REPS2: variants seen among roughly 807,000 people sequenced by gnomAD.
REPS2 encodes ralBP1-associated Eps domain-containing protein 2.
In REPS2, 23 loss-of-function variants were observed where a neutral mutation model predicts 53.6. That is an observed-to-expected ratio of 0.43 (90% CI 0.31 to 0.61). The LOEUF (loss-of-function observed/expected upper bound fraction) is 0.61. Ranked by LOEUF, REPS2 falls within the 20% of genes least tolerant of loss-of-function variation. The pLI is 0.11. For missense variants in REPS2, 446 were observed against 534.9 expected (o/e 0.83, Z 1.64); for synonymous variants, 238 against 218.6 (o/e 1.09, Z -0.78).
chrX:17,167,218 A>G, the REPS2 span, among the ~76,000 whole-genome samples: 3 of 112,173 alleles, frequency 2.7e-5, no homozygotes, highest in East Asian at 5.7e-4. Flanking sequence ...CTATGCCACA[A>G]TGTTTTCAGA....
chrX:17,164,971 C>A, the REPS2 span, among the ~76,000 whole-genome samples: 1 of 111,344 alleles, frequency 9.0e-6, no homozygotes, highest in Non-Finnish European at 1.9e-5. Flanking sequence ...ATGTCCTTAG[C>A]TCCCCTTCTC....
intron 1 of REPS2, among the ~76,000 whole-genome samples, chrX:16,974,646 C>CA (rs1311476154): frequency 3.8e-4 from 40 of 104,224 alleles, no homozygotes; most frequent in African/African-American, 1.0e-3. Flanking sequence ...TGCTCCATTT[C>CA]AAAAAAAAAA....
At chrX:16,951,653 C>T (rs1488851389) in intron 1 of REPS2, among the ~76,000 whole-genome samples, 7 of 110,779 alleles carry the variant, frequency 6.3e-5, no homozygotes. Flanking sequence ...GAGTTTGAGG[C>T]TGCAATGAGC....
chrX:17,025,267 G>A, intron 4 of REPS2, 82 bp downstream of exon 4: 2 of 970,215 alleles, frequency 2.1e-6, no homozygotes, highest in Non-Finnish European at 1.4e-6. Context: ...GCTTCAAGCT[G>A]CTTAATTTCC....
At chrX:16,982,609 G>A (rs1004359722) in intron 1 of REPS2, among the ~76,000 whole-genome samples, 1 of 112,049 alleles carries the variant, frequency 8.9e-6, no homozygotes, top group Admixed American at 9.5e-5. Context: ...GATGTTTCAC[G>A]AGTTGATAGA....
intron 1 of REPS2, among the ~76,000 whole-genome samples, chrX:16,969,412 C>T (rs1432981167): frequency 7.6e-4 from 65 of 85,224 alleles, no homozygotes; most frequent in African/African-American, 1.2e-3. Context: ...CGAGATCACG[C>T]CACTGCACTC....
At chrX:16,967,881 T>A (rs1023017144) in intron 1 of REPS2, among the ~76,000 whole-genome samples, 10 of 108,232 alleles carry the variant, frequency 9.2e-5, no homozygotes, top group Non-Finnish European at 1.7e-4. Context: ...CTTAGGTGTT[T>A]CTCGCAGAGG....
rs773383038 is a variant in REPS2, at chrX:16,989,050, C to T, written c.274-17171C>T. Among the ~76,000 whole-genome samples the T allele has an allele frequency of 9.0e-5, 10 of 111,240 alleles. No homozygotes were observed. In the East Asian group the frequency reaches 2.8e-3, roughly 31 times the overall value. ...GGAATCAGTCTGTAAGATTTTAAGA[C>T]ATATAACTACAGTAATCAAGACTGT... On this transcript the variant is annotated intron_variant, in intron 1 of 17. Coordinates refer to ENST00000357277, the MANE Select transcript of REPS2 (RefSeq NM_004726.3).
At chrX:17,143,083 G>A (rs1344974926) in intron 17 of REPS2, among the ~76,000 whole-genome samples, 1 of 111,832 alleles carries the variant, frequency 8.9e-6, no homozygotes, top group African/African-American at 3.3e-5. Context: ...TGTACTGTAT[G>A]ATTCCTTTTA....
In REPS2 at chrX:16,968,148, C is replaced by T. The variant is rs372464834; in HGVS notation, c.273+21014C>T. Among the ~76,000 whole-genome samples the T allele has an allele frequency of 7.3e-5, 8 of 110,134 alleles. No individual in the cohort carries two copies. The East Asian group carries it at 2.3e-3, about 32-fold the overall frequency. On this transcript the variant is annotated intron_variant, in intron 1 of 17. Transcript: ENST00000357277. ...ACACAGCACATGTTTCAGAGAGCAC[C>T]GGGTTGGGGGTAAGGTCACAGATCA...
chrX:17,191,806 G>A, the REPS2 span, among the ~76,000 whole-genome samples: 4 of 112,495 alleles, frequency 3.6e-5, no homozygotes, highest in East Asian at 2.8e-4. Context: ...CCATTTACGT[G>A]ACACTGTGGA....
intron 17 of REPS2, among the ~76,000 whole-genome samples, chrX:17,141,539 T>A (rs2063446978): frequency 8.9e-6 from 1 of 112,054 alleles, no homozygotes. Context: ...TCTCTTGGAT[T>A]GGGATTCGTA....
In REPS2 at chrX:17,147,516, G is replaced by T. The variant is rs1194205497; in HGVS notation, c.*35G>T. 7.5e-6 allele frequency: 8 copies of T among 1,065,452 alleles called. No individual in the cohort carries two copies. The highest frequency in any genetic ancestry group is 1.0e-5 in the Non-Finnish European group (8 of 776,481). 87.8% of individuals were successfully genotyped at this position (1,065,452 alleles called of 1,213,427 possible). The stretch of plus-strand genomic sequence containing the variant: ...GGTTCAAGTGACAGTGGGTGACCTT[G>T]TCTGCCAAGATCTTTCTTTTGAATG... On this transcript the variant is annotated 3_prime_UTR_variant, in exon 18 of 18. Transcript: ENST00000357277.
intron 1 of REPS2, among the ~76,000 whole-genome samples, chrX:16,982,479 T>A (rs1008635547): frequency 8.9e-6 from 1 of 112,193 alleles, no homozygotes; most frequent in Non-Finnish European, 1.9e-5. Flanking sequence ...GGAGAGAGTG[T>A]TGATTTTTTT....
intron 1 of REPS2, among the ~76,000 whole-genome samples, chrX:16,949,668 A>G (rs2147588088): frequency 8.9e-6 from 1 of 112,396 alleles, no homozygotes; most frequent in South Asian, 3.6e-4. Context: ...TCAGCCTCCC[A>G]AAGTGCTGGG....
chrX:17,038,220 C>T (rs2061790494), intron 5 of REPS2, among the ~76,000 whole-genome samples: 1 of 112,215 alleles, frequency 8.9e-6, no homozygotes. Flanking sequence ...CCCTAAAGGC[C>T]TTAAAACATG....
In REPS2 at chrX:17,135,329, A is replaced by T. The variant is rs780297284; in HGVS notation, c.1731A>T (p.Thr577=). Residue 577 remains threonine, a synonymous_variant, in exon 16 of 18, where the codon ACA becomes ACT. Transcript: ENST00000357277. ...RRKFRPENQA[T]ENQEPSTAAS... is the part of the protein sequence containing the mutation. ...AATTCAGACCAGAAAACCAAGCTAC[A>T]GAAAACCAAGAGCCTTCCACTGCTG... 22 of 1,210,353 alleles carry T rather than the reference A, an allele frequency of 1.8e-5. No homozygotes were observed. The highest frequency in any genetic ancestry group is 2.5e-5 in the Non-Finnish European group (22 of 895,285).
intron 5 of REPS2, among the ~76,000 whole-genome samples, chrX:17,038,146 A>G (rs2061789327): frequency 8.9e-6 from 1 of 112,638 alleles, no homozygotes. Context: ...TGCAGTCAAA[A>G]GGAGGAGATA....
At chrX:16,985,641 A>G (rs2061082361) in intron 1 of REPS2, among the ~76,000 whole-genome samples, 1 of 112,222 alleles carries the variant, frequency 8.9e-6, no homozygotes. Context: ...TGTGAAAGAG[A>G]TAGCTTTAAT....
Sources: allele counts gnomAD v4.1 joint callset (sites outside exome capture counted in the v4.1 genomes callset), GRCh38; gene constraint gnomAD v4.1.1; transcripts MANE v1.5; gene names NCBI Gene and HGNC (gene_info 2026-07-23, HGNC 2026-07-21).